Variants in ZNF362 observed in about 807,000 individuals in gnomAD.
ZNF362 encodes the protein rotund homolog.
Under a neutral mutation model 42.9 loss-of-function variants are expected in ZNF362, and 11 were observed. The observed-to-expected ratio is 0.26, with a 90% CI of 0.16 to 0.42. ZNF362 has a LOEUF of 0.42. Among genes scored for constraint, ZNF362 ranks in the 20% least tolerant of loss-of-function variants. The pLI is 1.00. For synonymous variants in ZNF362, 255 were observed against 257.3 expected (o/e 0.99, Z 0.09); for missense variants, 362 against 576.2 (o/e 0.63, Z 3.81).
the ZNF362 span, among the ~76,000 whole-genome samples, chr1:33,170,793 T>C: frequency 2.2e-4 from 33 of 152,306 alleles, no homozygotes; most frequent in African/African-American, 7.2e-4. Context: ...GACCCTAGGA[T>C]GTCACCTAAC....
the ZNF362 span, among the ~76,000 whole-genome samples, chr1:33,246,408 C>G: frequency 2.0e-5 from 3 of 152,142 alleles, no homozygotes; most frequent in African/African-American, 7.2e-5. Context: ...ACCCGCTGGT[C>G]CCCACCAGGA....
intron 1 of ZNF362, among the ~76,000 whole-genome samples, chr1:33,260,291 C>T (rs1304299311): frequency 1.3e-5 from 2 of 152,214 alleles, no homozygotes; most frequent in Non-Finnish European, 2.9e-5. Context: ...AGGCTCTGCC[C>T]ACCTCTCAAC....
Position 33,280,482 on chromosome 1 carries a change from C to A in ZNF362, c.683+25C>A. 1 of 1,528,360 alleles carries A rather than the reference C, an allele frequency of 6.5e-7. No homozygotes were observed. Among genetic ancestry groups the A allele is most frequent in the South Asian group, 1.3e-5 (1 of 79,780 alleles). 94.7% of individuals were successfully genotyped at this position (1,528,360 alleles called of 1,614,324 possible). A position where few individuals can be genotyped will look rare whatever the true frequency, so the allele number is the denominator to read the frequency against. ...GGTGGGGGTCTTGGCGGGATGGGGT[C>A]CGAGTGGGCTTGGGGCTGGGGCTTG... is the stretch of plus-strand genomic sequence containing the variant. On this transcript the variant is annotated intron_variant, in intron 5 of 8. Transcript: ENST00000539719. The surrounding 1 kb of genome is among the most constrained non-coding windows in gnomAD (Gnocchi z 5.6).
Position 33,294,148 on chromosome 1 carries a change from C to G in ZNF362, c.909-789C>G, listed in dbSNP as rs775091507. On this transcript the variant is annotated intron_variant, in intron 6 of 8. Coordinates refer to ENST00000539719, the MANE Select transcript of ZNF362 (RefSeq NM_152493.3). The surrounding 1 kb of genome is among the most constrained non-coding windows in gnomAD (Gnocchi z 4.2). Reference sequence around the variant, plus strand: ...CAATGTAATGAATGTGAATGAATAACGATAACTGGCAAACGTTGAGTGCTT... The same window carrying G: ...CAATGTAATGAATGTGAATGAATAAGGATAACTGGCAAACGTTGAGTGCTT... 2.6e-5 allele frequency among the ~76,000 whole-genome samples: 4 copies of G among 152,168 alleles called. No homozygotes were observed. Among genetic ancestry groups the G allele is most frequent in the Non-Finnish European group, 5.9e-5 (4 of 68,034 alleles).
the ZNF362 span, among the ~76,000 whole-genome samples, chr1:33,133,562 CA>C: frequency 6.6e-6 from 1 of 152,170 alleles, no homozygotes; most frequent in Non-Finnish European, 1.5e-5. Flanking sequence ...ATGAGGAGAG[CA>C]GGGCCGGGAT....
At chr1:33,158,873 T>G in the ZNF362 span, among the ~76,000 whole-genome samples, 1 of 151,644 alleles carries the variant, frequency 6.6e-6, no homozygotes, top group Non-Finnish European at 1.5e-5. Flanking sequence ...AGAGTTTCGC[T>G]CTTATTGCCC....
chr1:33,236,572 T>TATATATATATATATATATAC, the ZNF362 span, among the ~76,000 whole-genome samples: 5 of 98,702 alleles, frequency 5.1e-5, no homozygotes, highest in South Asian at 1.3e-3. Context: ...TATATATATA[T>TATATATATATATATATATAC]ACATACACAC....
chr1:33,206,832 C>T, the ZNF362 span, among the ~76,000 whole-genome samples: 6 of 151,960 alleles, frequency 3.9e-5, no homozygotes, highest in African/African-American at 1.2e-4. Flanking sequence ...AAAATATGTT[C>T]GACATCATTA....
chr1:33,215,833 G>A, the ZNF362 span, among the ~76,000 whole-genome samples: 3 of 150,900 alleles, frequency 2.0e-5, no homozygotes, highest in Non-Finnish European at 4.4e-5. Context: ...TTAATGTCAC[G>A]AATTTTTTGA....
intron 6 of ZNF362, among the ~76,000 whole-genome samples, chr1:33,293,731 C>G (rs1469058912): frequency 3.9e-5 from 6 of 152,196 alleles, no homozygotes; most frequent in South Asian, 2.1e-4. Flanking sequence ...AAGACACGCC[C>G]AGGGAGATGG....
At chr1:33,189,685 GTA>G in the ZNF362 span, among the ~76,000 whole-genome samples, 1 of 10,968 alleles carries the variant, frequency 9.1e-5, no homozygotes, top group African/African-American at 2.5e-4. Context: ...ATATATATAC[GTA>G]TATATATATA....
the ZNF362 span, among the ~76,000 whole-genome samples, chr1:33,175,061 A>G: frequency 1.3e-5 from 2 of 150,536 alleles, no homozygotes; most frequent in African/African-American, 5.0e-5. Flanking sequence ...TTTTTTTAAG[A>G]TGGAGTCTCA....
At chr1:33,185,836 C>A in the ZNF362 span, among the ~76,000 whole-genome samples, 1,211 of 152,214 alleles carry the variant, frequency 8.0e-3, 17 homozygotes, top group African/African-American at 0.028. Flanking sequence ...GACCCAAATA[C>A]ACTGACACAT....
the ZNF362 span, among the ~76,000 whole-genome samples, chr1:33,229,873 A>C: frequency 1.3e-5 from 2 of 152,158 alleles, no homozygotes; most frequent in African/African-American, 4.8e-5. Context: ...CATACATTTA[A>C]AAATTATTAT....
intron 1 of ZNF362, among the ~76,000 whole-genome samples, chr1:33,269,360 G>A (rs1488876936): frequency 6.6e-6 from 1 of 152,250 alleles, no homozygotes; most frequent in African/African-American, 2.4e-5. Context: ...ATTGGCCCCA[G>A]CTGCCTCCTG....
chr1:33,195,256 CTT>C, the ZNF362 span: 4 of 152,176 alleles, frequency 2.6e-5, no homozygotes, highest in African/African-American at 9.7e-5. Context: ...TAATCTCAGA[CTT>C]TTGCTCAAAG....
the ZNF362 span, chr1:33,165,738 C>T: frequency 3.5e-5 from 17 of 481,002 alleles, no homozygotes; most frequent in South Asian, 3.7e-5. The surrounding 1 kb of genome is among the most constrained non-coding windows in gnomAD (Gnocchi z 4.0). Flanking sequence ...GTCTCCTAAA[C>T]ACCTCCAGAA....
the ZNF362 span, among the ~76,000 whole-genome samples, chr1:33,201,677 T>TCCC: frequency 6.6e-6 from 1 of 152,148 alleles, no homozygotes; most frequent in Non-Finnish European, 1.5e-5. Flanking sequence ...ATGCTCTATA[T>TCCC]TAATCAAGGG....
At chr1:33,247,669 T>C in the ZNF362 span, among the ~76,000 whole-genome samples, 1 of 152,266 alleles carries the variant, frequency 6.6e-6, no homozygotes, top group Non-Finnish European at 1.5e-5. Flanking sequence ...TTATGGCACT[T>C]CTGCCCTTTT....
Sources: allele counts gnomAD v4.1 joint callset (sites outside exome capture counted in the v4.1 genomes callset), GRCh38; gene constraint gnomAD v4.1.1; non-coding constraint Gnocchi (gnomAD v3.1); transcripts MANE v1.5; gene names NCBI Gene and HGNC (gene_info 2026-07-23, HGNC 2026-07-21).